Variants in SYNE1 observed in about 807,000 individuals in gnomAD.
SYNE1 encodes the protein spectrin repeat containing nuclear envelope protein 1, also known as nesprin-1.
In SYNE1, 616 loss-of-function variants were observed where a neutral mutation model predicts 1,111.0. That is an observed-to-expected ratio of 0.55 (90% CI 0.52 to 0.59). The LOEUF (loss-of-function observed/expected upper bound fraction) is 0.59, where lower values mean the gene tolerates loss of function less well. Ranked by LOEUF, SYNE1 falls within the 20% of genes least tolerant of loss-of-function variation. The pLI is 0.00. For missense variants in SYNE1, 10,006 were observed against 10,417.0 expected (o/e 0.96, Z 1.72); for synonymous variants, 3,855 against 3,825.8 (o/e 1.01, Z -0.28).
chr6:152,322,297 G>T (rs551512643), intron 82 of SYNE1, among the ~76,000 whole-genome samples: 1 of 152,008 alleles, frequency 6.6e-6, no homozygotes. Context: ...AATTAATCAC[G>T]TTAATAATGT....
intron 11 of SYNE1, among the ~76,000 whole-genome samples, chr6:152,497,022 C>T (rs2099003344): frequency 1.3e-5 from 2 of 152,030 alleles, no homozygotes; most frequent in South Asian, 4.1e-4. Flanking sequence ...TTTCCACTAC[C>T]CACCCAAATC....
chr6:152,314,998 GA>G (rs917143387), intron 87 of SYNE1, among the ~76,000 whole-genome samples: 3 of 142,276 alleles, frequency 2.1e-5, no homozygotes, highest in African/African-American at 5.1e-5. Context: ...TCTCAAAAAA[GA>G]AAAAAAAAGT....
rs202064606 is a variant in SYNE1, at chr6:152,339,307, G to A, written c.12285C>T (p.Ser4095=). The change falls in exon 75 of 146, where the codon TCC becomes TCT. Residue 4095 remains serine, a synonymous_variant. Transcript: ENST00000367255. ...QARTYLDLLC[S]MCDLSNASVK... is the part of the protein sequence containing the mutation. ...CCGAAGCATTTGACAGGTCACACAT[G>A]GAGCAAAGGAGATCTAGGTAGGTCC... is the stretch of plus-strand genomic sequence containing the variant. 1.2e-6 allele frequency: 2 copies of A among 1,614,056 alleles called. No homozygotes were observed.
In SYNE1 at chr6:152,220,954, T is replaced by C; in HGVS notation, c.21749A>G (p.Gln7250Arg). 6.2e-7 allele frequency: 1 copy of C among 1,614,186 alleles called. No homozygotes were observed. Among genetic ancestry groups the C allele is most frequent in the Non-Finnish European group, 8.5e-7 (1 of 1,180,006 alleles). The part of the protein sequence containing the change: ...LWQRYKDYSK[Q>R]CASTVQQQED... ...CTGCTGCTGAACTGTCGAAGCACAC[T>C]GTTTGGAGTAGTCCTTGTATCTTTG... The change falls in exon 119 of 146, where the codon CAG becomes CGG. Residue 7250 changes from glutamine to arginine, a missense_variant. Coordinates refer to ENST00000367255, the MANE Select transcript of SYNE1 (RefSeq NM_182961.4).
At chr6:152,429,151 G>C (rs947721256) in intron 36 of SYNE1, among the ~76,000 whole-genome samples, 5 of 151,326 alleles carry the variant, frequency 3.3e-5, no homozygotes, top group Non-Finnish European at 7.4e-5. Flanking sequence ...GGCAGGCCCT[G>C]CATTACCTGC....
chr6:152,322,311 A>G (rs952762376), intron 82 of SYNE1, among the ~76,000 whole-genome samples: 2 of 152,212 alleles, frequency 1.3e-5, no homozygotes, highest in African/African-American at 2.4e-5. Context: ...ATAATGTACA[A>G]ATTTCAAGTC....
At chr6:152,300,295 G>T (rs186983254) in intron 93 of SYNE1, among the ~76,000 whole-genome samples, 32 of 152,106 alleles carry the variant, frequency 2.1e-4, no homozygotes, top group African/African-American at 7.2e-4. Flanking sequence ...ATCGAATCAC[G>T]TTATTTTACA....
At chr6:152,292,419 C>G (rs150844972) in intron 95 of SYNE1, among the ~76,000 whole-genome samples, 8 of 152,142 alleles carry the variant, frequency 5.3e-5, no homozygotes, top group Non-Finnish European at 1.2e-4. Flanking sequence ...CAAAATAAGG[C>G]CTAAAAATGG....
Position 152,214,969 on chromosome 6 carries a change from T to C in SYNE1, c.22283A>G (p.Lys7428Arg), listed in dbSNP as rs1437563035. ...YRLPLNDKEIKRMQNLNRHWS... is the reference protein window; with the variant it reads ...YRLPLNDKEIRRMQNLNRHWS... ...ATGGCGGTTCAGATTCTGCATTCTT[T>C]TGATTTCCTTATCATTCAAGGGTAA... The change falls in exon 122 of 146, where the codon AAA becomes AGA. Residue 7428 changes from lysine to arginine, a missense_variant. Physicochemically the swap from Lys to Arg is conservative, Grantham distance 26. Transcript: ENST00000367255. 5 of 1,614,200 alleles carry C rather than the reference T, an allele frequency of 3.1e-6. No homozygotes were observed. The highest frequency in any genetic ancestry group is 2.7e-5 in the African/African-American group (2 of 75,070).
At position 152,325,110 on chromosome 6, in the gene SYNE1, C is replaced by T; in HGVS notation, c.15631G>A (p.Asp5211Asn). Residue 5211 changes from aspartate to asparagine, a missense_variant, in exon 81 of 146, where the codon GAT (aspartate) becomes AAT (asparagine). Coordinates refer to ENST00000367255, the MANE Select transcript of SYNE1 (RefSeq NM_182961.4). ...DQEKILEDAVDEWTGFNNKVK... is the reference protein window; with the variant it reads ...DQEKILEDAVNEWTGFNNKVK... The stretch of plus-strand genomic sequence containing the variant: ...TTGTTGTTAAAGCCCGTCCACTCAT[C>T]CACTGCATCTTCCAGGATCTTCTCC... 3.1e-6 allele frequency: 5 copies of T among 1,614,200 alleles called. No individual in the cohort carries two copies. Among genetic ancestry groups the T allele is most frequent in the Non-Finnish European group, 4.2e-6 (5 of 1,180,054 alleles).
intron 105 of SYNE1, among the ~76,000 whole-genome samples, chr6:152,246,766 T>C (rs1053033202): frequency 1.3e-5 from 2 of 152,204 alleles, no homozygotes; most frequent in East Asian, 1.9e-4. Context: ...GGCATGTGAT[T>C]GTGAAATTTC....
At chr6:152,497,488 A>C (rs865903023) in intron 11 of SYNE1, among the ~76,000 whole-genome samples, 5 of 152,294 alleles carry the variant, frequency 3.3e-5, no homozygotes, top group Middle Eastern at 6.8e-3. Flanking sequence ...CAGTGTGGCC[A>C]CCAGAAGTGA....
At chr6:152,383,541 C>G (rs935406257) in intron 55 of SYNE1, among the ~76,000 whole-genome samples, 1 of 152,156 alleles carries the variant, frequency 6.6e-6, no homozygotes, top group African/African-American at 2.4e-5. Flanking sequence ...CTACTTAGAG[C>G]CTCAGTGGCA....
intron 32 of SYNE1, among the ~76,000 whole-genome samples, chr6:152,437,441 G>A (rs1362774357): frequency 6.6e-6 from 1 of 152,086 alleles, no homozygotes; most frequent in Non-Finnish European, 1.5e-5. Flanking sequence ...TACTTTTAAA[G>A]TGCCTAACAC....
In SYNE1 at chr6:152,279,406, C is replaced by T. The variant is rs550159615; in HGVS notation, c.18382-1126G>A. Among the ~76,000 whole-genome samples the T allele has an allele frequency of 5.5e-3, 838 of 151,724 alleles. 1 individual carries two copies. Among genetic ancestry groups the T allele is most frequent in the Non-Finnish European group, 8.8e-3 (598 of 67,900 alleles). ...AGAAAAGATACTTCATTTCCCTATA[C>T]AAAATCAAAATTAAGAATATAAAGT... On this transcript the variant is annotated intron_variant, in intron 97 of 145. Coordinates refer to ENST00000367255, the MANE Select transcript of SYNE1 (RefSeq NM_182961.4).
intron 63 of SYNE1, among the ~76,000 whole-genome samples, chr6:152,363,423 G>A (rs966932703): frequency 6.6e-6 from 1 of 150,850 alleles, no homozygotes; most frequent in Non-Finnish European, 1.5e-5. Flanking sequence ...GAACCCGGGA[G>A]GCGGAGCTCG....
In SYNE1 at chr6:152,533,165, G is replaced by T. The variant is rs189890050; in HGVS notation, c.129+6795C>A. ...AATTTAAAAACTGTATGTGTAATCTGCTTCTCTTTCACTGCCTTTGTAACA... is the reference window on the plus strand; with the variant it reads ...AATTTAAAAACTGTATGTGTAATCTTCTTCTCTTTCACTGCCTTTGTAACA... On this transcript the variant is annotated intron_variant, in intron 4 of 145. Transcript: ENST00000367255. Among the ~76,000 whole-genome samples, 783 of 152,108 alleles carry T rather than the reference G, an allele frequency of 5.1e-3. 5 individuals are homozygous for T. Among genetic ancestry groups the T allele is most frequent in the South Asian group, 0.013 (62 of 4,814 alleles).
At chr6:152,202,346 CAAAAAAAA>C (rs35563822) in intron 126 of SYNE1, among the ~76,000 whole-genome samples, 1 of 48,042 alleles carries the variant, frequency 2.1e-5, no homozygotes, top group Non-Finnish European at 3.9e-5. Flanking sequence ...GACTCTGTCT[CAAAAAAAA>C]AAAAAAAAAA....
rs575077709 is a variant in SYNE1 at position 152,369,086 on chromosome 6, G to A, written c.9693C>T (p.Asn3231=). 1.2e-6 allele frequency: 2 copies of A among 1,614,120 alleles called. No individual in the cohort carries two copies. Among genetic ancestry groups the A allele is most frequent in the Admixed American group, 3.3e-5 (2 of 60,030 alleles). Reference sequence around the variant, plus strand: ...GCTGCTGAGCTTTCTCTTTCAGCCTGTTGAGCTGAGGCTCGTAGCAGTGTA... The same window carrying A: ...GCTGCTGAGCTTTCTCTTTCAGCCTATTGAGCTGAGGCTCGTAGCAGTGTA... ...EEIHCYEPQL[N]RLKEKAQQLW... is the part of the protein sequence containing the mutation. The change falls in exon 61 of 146, where the codon AAC becomes AAT. Residue 3231 remains asparagine, a synonymous_variant. Coordinates refer to ENST00000367255, the MANE Select transcript of SYNE1 (RefSeq NM_182961.4).
Sources: gnomAD v4.1 joint callset for allele counts (sites outside exome capture counted in the v4.1 genomes callset) on GRCh38, gnomAD v4.1.1 for gene constraint, MANE v1.5 for transcripts, NCBI Gene and HGNC (gene_info 2026-07-23, HGNC 2026-07-21) for gene names.